The following COL24A1 variants were observed in gnomAD, a reference collection of about 807,000 sequenced individuals.
COL24A1 encodes the protein collagen type XXIV alpha 1 chain, also known as collagen alpha-1(XXIV) chain.
In COL24A1, 224 loss-of-function variants were observed where a neutral mutation model predicts 253.9. The observed-to-expected ratio is 0.88, with a 90% CI of 0.79 to 0.99. The LOEUF is 0.99. COL24A1 is among the 50% of genes least tolerant of loss of function. COL24A1 has a pLI of 0.00. For synonymous variants in COL24A1, 685 were observed against 673.7 expected, an observed-to-expected ratio of 1.02 and a Z score of -0.26; for missense variants, 2,131 against 2,068.5, an observed-to-expected ratio of 1.03 and a Z score of -0.59.
intron 43 of COL24A1, among the ~76,000 whole-genome samples, chr1:85,832,362 A>T (rs2102134466): frequency 6.6e-6 from 1 of 152,128 alleles, no homozygotes; most frequent in African/African-American, 2.4e-5. Context: ...AGGTAGCGTG[A>T]TGCCTCCAGC....
intron 10 of COL24A1, among the ~76,000 whole-genome samples, chr1:86,057,181 G>T (rs1700726587): frequency 6.6e-6 from 1 of 152,058 alleles, no homozygotes; most frequent in Non-Finnish European, 1.5e-5. Context: ...CTGGTTGTTT[G>T]AAAGTGTCTG....
chr1:86,017,969 T>A (rs543458233), intron 18 of COL24A1, among the ~76,000 whole-genome samples: 1 of 152,136 alleles, frequency 6.6e-6, no homozygotes, highest in South Asian at 2.1e-4. Flanking sequence ...GATAAAGATG[T>A]GAAATCAGGG....
At position 86,022,878 on chromosome 1, in the gene COL24A1, C is replaced by T. The variant is rs747335324; in HGVS notation, c.2104-1G>A. Reference sequence around the variant, plus strand: ...GTAGTCCTTTATTCCCTGAAAGGCCCTACAAAAAAAGGTGACATTTTGTGA... The same window carrying T: ...GTAGTCCTTTATTCCCTGAAAGGCCTTACAAAAAAAGGTGACATTTTGTGA... On this transcript the variant is annotated splice_acceptor_variant, in intron 15 of 59. Transcript: ENST00000370571. LOFTEE classifies it high-confidence loss of function. The T allele has an allele frequency of 6.2e-7, 1 of 1,606,642 alleles. No individual in the cohort carries two copies. Among genetic ancestry groups the T allele is most frequent in the South Asian group, 1.1e-5 (1 of 89,456 alleles).
chr1:86,080,703 G>A lies in COL24A1; in HGVS notation c.1707+8471C>T, dbSNP rs1379423629. Among the ~76,000 whole-genome samples the A allele has an allele frequency of 2.0e-5, 3 of 151,976 alleles. No individual in the cohort carries two copies. The East Asian group carries it at 5.8e-4, about 29-fold the overall frequency. ...ACAAAAATTTGAGCCCTAAAAATAT[G>A]TTATCAATACGTTACCACACAGGAC... On this transcript the variant is annotated intron_variant, in intron 7 of 59. Transcript: ENST00000370571.
intron 18 of COL24A1, 124 bp from the exon 19 acceptor site, chr1:86,017,328 A>G (rs550292226): frequency 6.8e-5 from 62 of 905,408 alleles, no homozygotes; most frequent in South Asian, 3.8e-4. Flanking sequence ...ACAAGGTTGT[A>G]ATGACTTTTT....
At chr1:86,031,745 C>A in intron 14 of COL24A1, 133 bp downstream of exon 14, 1 of 582,934 alleles carries the variant, frequency 1.7e-6, no homozygotes, top group African/African-American at 1.9e-5. Flanking sequence ...GAAAAAAATA[C>A]ATTTAATCAA....
intron 35 of COL24A1, among the ~76,000 whole-genome samples, chr1:85,873,262 T>C (rs533853676): frequency 8.4e-4 from 128 of 152,254 alleles, no homozygotes; most frequent in Non-Finnish European, 1.5e-3. Flanking sequence ...AGTTCAACCA[T>C]TGTGGAAGAC....
At chr1:86,112,311 T>C (rs1705698038) in intron 5 of COL24A1, among the ~76,000 whole-genome samples, 1 of 152,220 alleles carries the variant, frequency 6.6e-6, no homozygotes. Context: ...ATATTTTTGA[T>C]AACAATGATT....
chr1:85,983,187 C>T (rs1385201356), intron 20 of COL24A1, among the ~76,000 whole-genome samples: 1 of 151,900 alleles, frequency 6.6e-6, no homozygotes, highest in Non-Finnish European at 1.5e-5. Context: ...AAAACACAAA[C>T]CTTTATAGCA....
chr1:85,806,061 G>A (rs1460733038), intron 47 of COL24A1, among the ~76,000 whole-genome samples: 1 of 130,726 alleles, frequency 7.6e-6, no homozygotes, highest in African/African-American at 2.9e-5. Flanking sequence ...GGGCGACAGA[G>A]CGAGACTCCG....
chr1:85,943,063 C>T (rs137874074), intron 24 of COL24A1, among the ~76,000 whole-genome samples: 2 of 152,290 alleles, frequency 1.3e-5, no homozygotes, highest in African/African-American at 4.8e-5. Flanking sequence ...TCCAATCTCT[C>T]AGGGCCTGGA....
chr1:85,852,956 G>T (rs945728108), intron 37 of COL24A1, among the ~76,000 whole-genome samples: 3 of 152,078 alleles, frequency 2.0e-5, no homozygotes, highest in African/African-American at 7.2e-5. Context: ...ACAGTATTAT[G>T]TTTTATTTTT....
chr1:86,021,526 A>G (rs146728625), intron 18 of COL24A1, among the ~76,000 whole-genome samples: 1,788 of 152,134 alleles, frequency 0.012, 38 homozygotes, highest in African/African-American at 0.041. Context: ...TCTTAATATA[A>G]AAAATAGGAA....
At chr1:85,988,015 T>C (rs558006288) in intron 19 of COL24A1, among the ~76,000 whole-genome samples, 1 of 151,846 alleles carries the variant, frequency 6.6e-6, no homozygotes, top group Non-Finnish European at 1.5e-5. Context: ...ATTAGGTGAA[T>C]GTACTTTGTT....
At chr1:85,995,654 G>A (rs1421669102) in intron 19 of COL24A1, among the ~76,000 whole-genome samples, 1 of 152,154 alleles carries the variant, frequency 6.6e-6, no homozygotes, top group Admixed American at 6.5e-5. Flanking sequence ...TTTGATGGGT[G>A]TGTTCACTAT....
intron 24 of COL24A1, among the ~76,000 whole-genome samples, chr1:85,915,730 C>T (rs1685832717): frequency 6.6e-6 from 1 of 152,170 alleles, no homozygotes; most frequent in Non-Finnish European, 1.5e-5. Context: ...TTCACTGCAA[C>T]TTCAGCCTCC....
At chr1:85,874,785 T>C (rs1680942993) in intron 34 of COL24A1, 83 bp from the exon 35 acceptor site, 1 of 1,468,644 alleles carries the variant, frequency 6.8e-7, no homozygotes, top group African/African-American at 1.4e-5. Context: ...ACGGCACAGT[T>C]CCCCAACGCC....
intron 5 of COL24A1, among the ~76,000 whole-genome samples, chr1:86,104,758 A>G (rs1389073663): frequency 6.6e-6 from 1 of 152,100 alleles, no homozygotes; most frequent in African/African-American, 2.4e-5. Context: ...CAATGGGAGG[A>G]GCTAAGTTCC....
In COL24A1 at chr1:85,816,726, T is replaced by C. The variant is rs1673076206; in HGVS notation, c.3951+62A>G. On this transcript the variant is annotated intron_variant, in intron 47 of 59. Coordinates refer to ENST00000370571, the MANE Select transcript of COL24A1 (RefSeq NM_152890.7). ...CTAAAATAGATAGCCAAAATATCTA[T>C]GGTCTAGCAAGGAGACACATGCATA... The C allele has an allele frequency of 6.5e-6, 9 of 1,389,582 alleles. 1 individual carries two copies. The highest frequency in any genetic ancestry group is 3.5e-5 in the South Asian group (3 of 86,420). The allele number at this position is 1,389,582 out of a possible 1,614,324, so 86.1% of individuals were successfully genotyped here.
Sources: allele counts gnomAD v4.1 joint callset (sites outside exome capture counted in the v4.1 genomes callset), GRCh38; gene constraint gnomAD v4.1.1; transcripts MANE v1.5; gene names NCBI Gene and HGNC (gene_info 2026-07-23, HGNC 2026-07-21).